Variants in FAF2 observed in about 807,000 individuals in gnomAD.
FAF2 encodes Fas associated factor family member 2, also known as FAS-associated factor 2.
Under a neutral mutation model 62.3 loss-of-function variants are expected in FAF2, and 9 were observed. The ratio of observed to expected loss-of-function variants is 0.14; its 90% CI spans 0.09 to 0.25. The LOEUF (loss-of-function observed/expected upper bound fraction) is 0.25. Among genes scored for constraint, FAF2 ranks in the 10% least tolerant of loss-of-function variants. FAF2 has a pLI of 1.00. For missense variants in FAF2, 368 were observed against 556.2 expected (o/e 0.66, Z 3.40); for synonymous variants, 202 against 198.0 (o/e 1.02, Z -0.17).
chr5:176,506,197 A>AC (rs1198384067), intron 10 of FAF2, among the ~76,000 whole-genome samples: 1 of 148,622 alleles, frequency 6.7e-6, no homozygotes, highest in East Asian at 2.0e-4. Flanking sequence ...TCTCTCAAAA[A>AC]AAAAAAAAAC....
At chr5:176,454,577 G>GAAAAAAAAAAAAAAAA (rs56324116) in intron 1 of FAF2, among the ~76,000 whole-genome samples, 1 of 95,302 alleles carries the variant, frequency 1.0e-5, no homozygotes, top group African/African-American at 4.3e-5. Flanking sequence ...GATTCTGTCT[G>GAAAAAAAAAAAAAAAA]AAAAAAAAAA....
At chr5:176,470,650 A>T (rs1199946418) in intron 1 of FAF2, among the ~76,000 whole-genome samples, 1 of 152,110 alleles carries the variant, frequency 6.6e-6, no homozygotes, top group Non-Finnish European at 1.5e-5. Flanking sequence ...CACACACACA[A>T]AAACTGATAG....
chr5:176,470,035 A>C (rs948413298), intron 1 of FAF2, among the ~76,000 whole-genome samples: 1 of 152,218 alleles, frequency 6.6e-6, no homozygotes, highest in African/African-American at 2.4e-5. Flanking sequence ...GTAAAGATCA[A>C]AGGCAGAGAT....
At chr5:176,493,736 T>C (rs1484650346) in intron 5 of FAF2, among the ~76,000 whole-genome samples, 1 of 152,192 alleles carries the variant, frequency 6.6e-6, no homozygotes, top group Non-Finnish European at 1.5e-5. Flanking sequence ...TAAGCCTGTC[T>C]ACTCTCATGT....
chr5:176,487,946 G>A (rs538142570), intron 3 of FAF2, among the ~76,000 whole-genome samples: 69 of 152,030 alleles, frequency 4.5e-4, no homozygotes, highest in African/African-American at 1.4e-3. Flanking sequence ...AGGTTCAAGC[G>A]ATTCTCCTGC....
intron 10 of FAF2, among the ~76,000 whole-genome samples, chr5:176,504,768 A>G (rs1292296581): frequency 6.6e-6 from 1 of 152,176 alleles, no homozygotes; most frequent in Non-Finnish European, 1.5e-5. Flanking sequence ...AATGGATTAG[A>G]CAAGAGGAAC....
chr5:176,456,950 TG>T (rs1335521714), intron 1 of FAF2, among the ~76,000 whole-genome samples: 1 of 152,188 alleles, frequency 6.6e-6, no homozygotes, highest in African/African-American at 2.4e-5. Flanking sequence ...CTCCCTTTTT[TG>T]GGGTACTTCT....
intron 1 of FAF2, among the ~76,000 whole-genome samples, chr5:176,460,859 G>A (rs1758366569): frequency 6.6e-6 from 1 of 151,960 alleles, no homozygotes; most frequent in Admixed American, 6.6e-5. Flanking sequence ...GGCTGAGGTG[G>A]GAGGATCACT....
At chr5:176,455,024 A>G (rs1324761210) in intron 1 of FAF2, among the ~76,000 whole-genome samples, 1 of 152,178 alleles carries the variant, frequency 6.6e-6, no homozygotes, top group Non-Finnish European at 1.5e-5. Context: ...GTTTTCATCG[A>G]TACGAAAACT....
intron 8 of FAF2, among the ~76,000 whole-genome samples, chr5:176,497,494 A>G (rs1755515946): frequency 6.6e-6 from 1 of 152,246 alleles, no homozygotes; most frequent in Admixed American, 6.5e-5. Flanking sequence ...ATGTAAGAAT[A>G]TATCACGGCC....
intron 1 of FAF2, among the ~76,000 whole-genome samples, chr5:176,472,125 T>C (rs1581062231): frequency 6.6e-6 from 1 of 152,224 alleles, no homozygotes; most frequent in East Asian, 1.9e-4. Flanking sequence ...TTAATTTGTT[T>C]TGAGTTTTTT....
At chr5:176,492,051 G>A (rs1758978845) in intron 4 of FAF2, 143 bp from the exon 5 acceptor site, 8 of 875,038 alleles carry the variant, frequency 9.1e-6, no homozygotes, top group East Asian at 2.5e-5. Flanking sequence ...CTCTACTCTC[G>A]GATTTGATGG....
At chr5:176,487,087 T>C (rs991417076) in intron 3 of FAF2, among the ~76,000 whole-genome samples, 13 of 152,238 alleles carry the variant, frequency 8.5e-5, no homozygotes, top group Admixed American at 5.9e-4. Flanking sequence ...TATACTTTTA[T>C]ACTTGCATTT....
chr5:176,456,871 G>A (rs767975428), intron 1 of FAF2, among the ~76,000 whole-genome samples: 11 of 152,150 alleles, frequency 7.2e-5, no homozygotes, highest in Non-Finnish European at 1.3e-4. Context: ...TTATGTTGCT[G>A]AATCTGTTCA....
At chr5:176,452,068 T>C (rs1000025732) in intron 1 of FAF2, among the ~76,000 whole-genome samples, 1 of 149,922 alleles carries the variant, frequency 6.7e-6, no homozygotes, top group African/African-American at 2.5e-5. Context: ...TTTTGTCTGT[T>C]TGTTTTTGAG....
intron 1 of FAF2, among the ~76,000 whole-genome samples, chr5:176,476,627 C>CTTTT (rs58104178): frequency 3.3e-4 from 31 of 95,060 alleles, no homozygotes; most frequent in African/African-American, 6.2e-4. Context: ...ATTAGAGTCC[C>CTTTT]TTTTTTTTTT....
At position 176,451,607 on chromosome 5, in the gene FAF2, A is replaced by G. The variant is rs752835967; in HGVS notation, c.63+3137A>G. On this transcript the variant is annotated intron_variant, in intron 1 of 10. Transcript: ENST00000261942. ...TGAAGAAACAGGTTCTGAGAGGTCAAATAGCTTTCACAAGTAGTAAGTGGT... is the reference window on the plus strand; with the variant it reads ...TGAAGAAACAGGTTCTGAGAGGTCAGATAGCTTTCACAAGTAGTAAGTGGT... 4.0e-5 allele frequency among the ~76,000 whole-genome samples: 6 copies of G among 150,582 alleles called. No homozygotes were observed. The South Asian group carries it at 1.3e-3, about 32-fold the overall frequency.
At chr5:176,455,129 T>G (rs1286592992) in intron 1 of FAF2, among the ~76,000 whole-genome samples, 2 of 152,282 alleles carry the variant, frequency 1.3e-5, no homozygotes, top group Middle Eastern at 3.4e-3. Context: ...GTAAATGACT[T>G]AGGGAGAAAT....
chr5:176,473,967 A>G (rs556460874), intron 1 of FAF2, among the ~76,000 whole-genome samples: 1 of 152,320 alleles, frequency 6.6e-6, no homozygotes, highest in African/African-American at 2.4e-5. Flanking sequence ...CCCCAGTCCT[A>G]GAATCAGCCA....
Sources: allele counts gnomAD v4.1 joint callset (sites outside exome capture counted in the v4.1 genomes callset), GRCh38; gene constraint gnomAD v4.1.1; transcripts MANE v1.5; gene names NCBI Gene and HGNC (gene_info 2026-07-23, HGNC 2026-07-21).